The following THRAP3 variants were observed in gnomAD, a reference collection of about 807,000 sequenced individuals.
THRAP3 encodes the protein thyroid hormone receptor-associated protein 3.
THRAP3 carries 16 observed loss-of-function variants against 101.0 expected under a neutral mutation model. That is an observed-to-expected ratio of 0.16 (90% CI 0.11 to 0.24). The LOEUF is 0.24. Among genes scored for constraint, THRAP3 ranks in the 10% least tolerant of loss-of-function variants. The pLI is 1.00. For synonymous variants in THRAP3, 407 were observed against 422.6 expected (o/e 0.96, Z 0.45); for missense variants, 989 against 1,202.7 (o/e 0.82, Z 2.63).
intron 1 of THRAP3, among the ~76,000 whole-genome samples, chr1:36,254,974 G>T (rs55694857): frequency 0.084 from 12,727 of 152,114 alleles, 752 homozygotes; most frequent in Middle Eastern, 0.24. Flanking sequence ...ACCAGTCTTG[G>T]ATCAATCTTG....
intron 2 of THRAP3, among the ~76,000 whole-genome samples, chr1:36,275,602 A>AAAAAAAG (rs1553122394): frequency 1.6e-5 from 2 of 126,982 alleles, no homozygotes; most frequent in Non-Finnish European, 3.2e-5. Flanking sequence ...AAAAAAAAAA[A>AAAAAAAG]AAGTCTTCTT....
At chr1:36,241,303 G>C (rs1557811199) in intron 1 of THRAP3, among the ~76,000 whole-genome samples, 1 of 149,392 alleles carries the variant, frequency 6.7e-6, no homozygotes, top group Non-Finnish European at 1.5e-5. Context: ...AGTACTTCAG[G>C]TTTATGTTTA....
In THRAP3 at chr1:36,305,042, T is replaced by A. The variant is rs1279680114; in HGVS notation, c.*1025T>A. ...TTTGTCTTTTTAACCTTAAGCTGTT[T>A]AAGTTGAAGCATTCTCAGATGTTTG... On this transcript the variant is annotated 3_prime_UTR_variant, in exon 12 of 12. Transcript: ENST00000354618. 1.4e-5 allele frequency: 3 copies of A among 209,754 alleles called. No individual in the cohort carries two copies. Among genetic ancestry groups the A allele is most frequent in the Non-Finnish European group, 2.9e-5 (3 of 103,104 alleles). 13.0% of individuals were successfully genotyped at this position (209,754 alleles called of 1,614,324 possible).
rs1318886285 is a variant in THRAP3, at chr1:36,287,010, G to A, written c.780G>A (p.Val260=). Reference sequence around the variant, plus strand: ...AAAGCCCCCTCCAGTCTGTGGTGGTGAGGCGGCGGTCACCCCGTCCTAGCC... The same window carrying A: ...AAAGCCCCCTCCAGTCTGTGGTGGTAAGGCGGCGGTCACCCCGTCCTAGCC... ...ALKSPLQSVV[V]RRRSPRPSPV... Residue 260 remains valine, a synonymous_variant, in exon 4 of 12, where the codon GTG becomes GTA. Coordinates refer to ENST00000354618, the MANE Select transcript of THRAP3 (RefSeq NM_005119.4). The A allele has an allele frequency of 1.9e-6, 3 of 1,614,234 alleles. No individual in the cohort carries two copies. Among genetic ancestry groups the A allele is most frequent in the Non-Finnish European group, 1.7e-6 (2 of 1,180,044 alleles).
intron 1 of THRAP3, among the ~76,000 whole-genome samples, chr1:36,230,069 G>A (rs758754769): frequency 3.5e-4 from 51 of 146,092 alleles, no homozygotes; most frequent in Admixed American, 5.6e-4. Flanking sequence ...ATTGTCCTGC[G>A]TCAGCCTCCC....
intron 2 of THRAP3, 142 bp downstream of exon 2, chr1:36,259,626 C>T (rs114221914): frequency 2.6e-6 from 1 of 380,692 alleles, no homozygotes; most frequent in African/African-American, 2.1e-5. Context: ...TTTAACCAGG[C>T]CTGGTGATAC....
intron 1 of THRAP3, chr1:36,225,438 T>C: frequency 6.6e-6 from 1 of 152,348 alleles, no homozygotes; most frequent in Non-Finnish European, 1.5e-5. Flanking sequence ...TCCAGCTGCC[T>C]CAGTTTTCTT....
At chr1:36,294,000 A>G in intron 8 of THRAP3, 65 bp downstream of exon 8, 5 of 1,580,596 alleles carry the variant, frequency 3.2e-6, no homozygotes, top group South Asian at 1.1e-5. Flanking sequence ...CTTGACAGAA[A>G]TGTGTTTGTT....
At chr1:36,288,087 G>A (rs1645818439) in intron 4 of THRAP3, 1 of 984,516 alleles carries the variant, frequency 1.0e-6, no homozygotes. Flanking sequence ...TAAGCTTTCT[G>A]CATTAATGGT....
intron 7 of THRAP3, among the ~76,000 whole-genome samples, chr1:36,293,192 C>A (rs901404887): frequency 1.3e-5 from 2 of 151,910 alleles, no homozygotes; most frequent in African/African-American, 4.8e-5. Context: ...CCATGCCCAG[C>A]TGATTTTTGT....
chr1:36,209,411 T>C, the THRAP3 span, among the ~76,000 whole-genome samples: 1 of 152,200 alleles, frequency 6.6e-6, no homozygotes, highest in Admixed American at 6.6e-5. Flanking sequence ...GTCTTGCGCA[T>C]TGTAGGATGT....
intron 1 of THRAP3, among the ~76,000 whole-genome samples, chr1:36,236,422 G>A (rs200970800): frequency 1.3e-3 from 202 of 152,110 alleles, no homozygotes; most frequent in Non-Finnish European, 2.4e-3. Context: ...GACAGTGCTG[G>A]TATACATTGC....
intron 4 of THRAP3, chr1:36,287,731 G>A (rs1347422024): frequency 1.0e-6 from 1 of 985,354 alleles, no homozygotes; most frequent in African/African-American, 1.7e-5. Context: ...AGACTGGGCA[G>A]AATGGGAAAG....
chr1:36,252,182 G>T (rs1007360605), intron 1 of THRAP3, among the ~76,000 whole-genome samples: 7 of 152,160 alleles, frequency 4.6e-5, no homozygotes, highest in Non-Finnish European at 8.8e-5. Context: ...CTGGAGTGCA[G>T]TGGCGCTATC....
intron 1 of THRAP3, among the ~76,000 whole-genome samples, chr1:36,259,152 G>T (rs1185526695): frequency 1.3e-5 from 2 of 152,202 alleles, no homozygotes; most frequent in Admixed American, 1.3e-4. Context: ...GCCAGTGAAA[G>T]TATCAGGTTA....
intron 1 of THRAP3, chr1:36,225,385 C>T (rs1329561326): frequency 6.6e-6 from 1 of 152,162 alleles, no homozygotes; most frequent in Non-Finnish European, 1.5e-5. Context: ...GGGTTTAAAT[C>T]TTGGCCCTGC....
the THRAP3 span, among the ~76,000 whole-genome samples, chr1:36,207,989 C>T: frequency 7.9e-5 from 12 of 152,222 alleles, no homozygotes; most frequent in African/African-American, 1.4e-4. Context: ...GACTGGGTTT[C>T]GCCATGTTGG....
the THRAP3 span, among the ~76,000 whole-genome samples, chr1:36,209,527 G>A: frequency 6.6e-6 from 1 of 152,132 alleles, no homozygotes; most frequent in East Asian, 1.9e-4. Context: ...AATATCCTCT[G>A]GGGGATAGAA....
At chr1:36,260,140 G>C (rs1199902165) in intron 2 of THRAP3, among the ~76,000 whole-genome samples, 1 of 152,128 alleles carries the variant, frequency 6.6e-6, no homozygotes, top group South Asian at 2.1e-4. Flanking sequence ...TACTTGGGAG[G>C]CTGAGGCAGG....
Sources: gnomAD v4.1 joint callset for allele counts (sites outside exome capture counted in the v4.1 genomes callset) on GRCh38, gnomAD v4.1.1 for gene constraint, MANE v1.5 for transcripts, NCBI Gene and HGNC (gene_info 2026-07-23, HGNC 2026-07-21) for gene names.